PLEKHF1: variants seen among roughly 807,000 people sequenced by gnomAD.
PLEKHF1 encodes pleckstrin homology domain-containing family F member 1.
Under a neutral mutation model 4.1 loss-of-function variants are expected in PLEKHF1, and 1 was observed. The ratio of observed to expected loss-of-function variants is 0.24; its 90% CI spans 0.09 to 1.15. The LOEUF (loss-of-function observed/expected upper bound fraction) is 1.15, where lower values mean the gene tolerates loss of function less well. Ranked by LOEUF, PLEKHF1 falls within the 50% of genes most tolerant of loss-of-function variation. The probability of loss-of-function intolerance (pLI) is 0.52; values close to 1 mark genes in which losing one functional copy is unlikely to be tolerated. For missense variants in PLEKHF1, 429 were observed against 400.6 expected, an observed-to-expected ratio of 1.07 and a Z score of -0.60; for synonymous variants, 182 against 178.5, an observed-to-expected ratio of 1.02 and a Z score of -0.16.
Position 29,673,887 on chromosome 19 carries a change from G to T in PLEKHF1, c.48G>T (p.Ala16=). Residue 16 remains alanine, a synonymous_variant, in exon 2 of 2, where the codon GCG becomes GCT. Coordinates refer to ENST00000436066, the MANE Select transcript of PLEKHF1 (RefSeq NM_024310.5). ...ANTEINSQRI[A]AVESCFGASG... Reference sequence around the variant, plus strand: ...CGGAGATCAACAGCCAGCGCATCGCGGCAGTGGAGAGCTGCTTCGGGGCCT... The same window carrying T: ...CGGAGATCAACAGCCAGCGCATCGCTGCAGTGGAGAGCTGCTTCGGGGCCT... The T allele has an allele frequency of 6.2e-7, 1 of 1,611,206 alleles. No homozygotes were observed. The highest frequency in any genetic ancestry group is 8.5e-7 in the Non-Finnish European group (1 of 1,178,172).
chr19:29,673,820 G>A lies in PLEKHF1; in HGVS notation c.-16-4G>A. ...ACATACTCCTTGTCTGTCTCCTCCTGCAGCCGCCAGCTGGAGACGATGGTG... is the reference window on the plus strand; with the variant it reads ...ACATACTCCTTGTCTGTCTCCTCCTACAGCCGCCAGCTGGAGACGATGGTG... On this transcript the variant is annotated splice_polypyrimidine_tract_variant and splice_region_variant and intron_variant, in intron 1 of 1. Transcript: ENST00000436066. 5.1e-6 allele frequency: 8 copies of A among 1,576,774 alleles called. No individual in the cohort carries two copies. Among genetic ancestry groups the A allele is most frequent in the Non-Finnish European group, 6.9e-6 (8 of 1,159,146 alleles).
chr19:29,674,380 G>C lies in PLEKHF1; in HGVS notation c.541G>C (p.Val181Leu), dbSNP rs572876890. 2 of 1,535,788 alleles carry C rather than the reference G, an allele frequency of 1.3e-6. No homozygotes were observed. The highest frequency in any genetic ancestry group is 1.2e-5 in the South Asian group (1 of 84,710). ...CCACCACTGCCGCAAGTGCGGCTTC[G>C]TGGTCTGCGCTGAGTGCTCGCGCCA... ...RRHHCRKCGF[V>L]VCAECSRQRF... Residue 181 changes from valine to leucine, a missense_variant, in exon 2 of 2, where the codon GTG (valine) becomes CTG (leucine). By Grantham distance (32) the Val-to-Leu change is conservative (BLOSUM62 1). Coordinates refer to ENST00000436066, the MANE Select transcript of PLEKHF1 (RefSeq NM_024310.5).
chr19:29,670,738 C>T (rs1022323113), intron 1 of PLEKHF1, among the ~76,000 whole-genome samples: 2 of 151,644 alleles, frequency 1.3e-5, no homozygotes, highest in Non-Finnish European at 2.9e-5. Flanking sequence ...AGCACAGTGG[C>T]GCGATCTCGG....
intron 1 of PLEKHF1, among the ~76,000 whole-genome samples, chr19:29,673,438 G>A (rs1446877236): frequency 6.6e-6 from 1 of 151,710 alleles, no homozygotes; most frequent in Non-Finnish European, 1.5e-5. Flanking sequence ...TAGCTAGAGT[G>A]TAGTGGCATG....
rs1317967017 is a variant in PLEKHF1 at position 29,674,151 on chromosome 19, G to C, written c.312G>C (p.Thr104=). The change falls in exon 2 of 2, where the codon ACG becomes ACC. Residue 104 remains threonine (T), a synonymous_variant. Transcript: ENST00000436066. ...CCAAGAACCGCTGGATGATCAAGAC[G>C]GCCAAGAAGTCCTTTGTGGTGTCGG... is the stretch of plus-strand genomic sequence containing the variant. ...LQAKNRWMIK[T]AKKSFVVSAA... The C allele has an allele frequency of 6.2e-6, 10 of 1,613,600 alleles. No individual in the cohort carries two copies. The highest frequency in any genetic ancestry group is 8.5e-6 in the Non-Finnish European group (10 of 1,179,976).
Position 29,675,354 on chromosome 19 carries a change from C to T in PLEKHF1, c.*675C>T, listed in dbSNP as rs1048567428. 2 of 167,146 alleles carry T rather than the reference C, an allele frequency of 1.2e-5. No homozygotes were observed. The highest frequency in any genetic ancestry group is 2.9e-5 in the Non-Finnish European group (2 of 68,128). The allele number at this position is 167,146 out of a possible 1,614,324, so 10.4% of individuals were successfully genotyped here. A position where few individuals can be genotyped will look rare whatever the true frequency, so the allele number is the denominator to read the frequency against. On this transcript the variant is annotated 3_prime_UTR_variant, in exon 2 of 2. Coordinates refer to ENST00000436066, the MANE Select transcript of PLEKHF1 (RefSeq NM_024310.5). The stretch of plus-strand genomic sequence containing the variant: ...GCTGTCTCATGCCTTTTTGTCCTGT[C>T]CTCAGCTCTCCGTGTGGTCAGCGAA...
intron 1 of PLEKHF1, among the ~76,000 whole-genome samples, chr19:29,672,970 AG>A (rs570474079): frequency 3.3e-5 from 5 of 152,252 alleles, no homozygotes; most frequent in African/African-American, 1.2e-4. Context: ...GCACCAACAG[AG>A]GGGCCTGTGT....
At position 29,674,437 on chromosome 19, in the gene PLEKHF1, C is replaced by G. The variant is rs765872204; in HGVS notation, c.598C>G (p.Pro200Ala). The G allele has an allele frequency of 5.4e-5, 83 of 1,532,686 alleles. No individual in the cohort carries two copies. The highest frequency in any genetic ancestry group is 1.6e-4 in the Admixed American group (8 of 50,662). The allele number at this position is 1,532,686 out of a possible 1,614,324, so 94.9% of individuals were successfully genotyped here. A position where few individuals can be genotyped will look rare whatever the true frequency, so the allele number is the denominator to read the frequency against. ...RFLLPRLSPKPVRVCSLCYRE... is the reference protein window; with the variant it reads ...RFLLPRLSPKAVRVCSLCYRE... ...CCTGCTCCCGCGCCTGTCCCCCAAG[C>G]CCGTGCGCGTCTGCAGCCTCTGCTA... Residue 200 changes from proline to alanine, a missense_variant, in exon 2 of 2, where the codon CCC (proline) becomes GCC (alanine). Coordinates refer to ENST00000436066, the MANE Select transcript of PLEKHF1 (RefSeq NM_024310.5).
chr19:29,666,090 G>A (rs1971566487), intron 1 of PLEKHF1, among the ~76,000 whole-genome samples: 1 of 152,162 alleles, frequency 6.6e-6, no homozygotes, highest in South Asian at 2.1e-4. Flanking sequence ...CAGGCCCGCA[G>A]AGAGAGGCGG....
intron 1 of PLEKHF1, among the ~76,000 whole-genome samples, chr19:29,669,120 C>A (rs1971602009): frequency 1.3e-5 from 2 of 152,168 alleles, no homozygotes; most frequent in Non-Finnish European, 1.5e-5. Flanking sequence ...GCAAAGGGGT[C>A]CCATGTGGAG....
At chr19:29,670,343 G>A (rs1254735551) in intron 1 of PLEKHF1, among the ~76,000 whole-genome samples, 1 of 152,202 alleles carries the variant, frequency 6.6e-6, no homozygotes, top group Non-Finnish European at 1.5e-5. Context: ...CTATGAATTT[G>A]ATCAGTATGT....
intron 1 of PLEKHF1, among the ~76,000 whole-genome samples, chr19:29,670,940 C>T (rs1232841673): frequency 1.3e-5 from 2 of 152,316 alleles, no homozygotes; most frequent in Admixed American, 1.3e-4. Context: ...TCCCAAAGTG[C>T]TGGGATTACA....
rs56717095 is a variant in PLEKHF1, at chr19:29,671,104, C to CT, written c.-16-2707dup. Among the ~76,000 whole-genome samples, 863 of 144,766 alleles carry CT rather than the reference C, an allele frequency of 6.0e-3. 7 individuals are homozygous for CT. The highest frequency in any genetic ancestry group is 0.016 in the South Asian group (73 of 4,572). The allele number at this position is 144,766 out of a possible 152,430, so 95.0% of individuals were successfully genotyped here. On this transcript the variant is annotated intron_variant, in intron 1 of 1. Transcript: ENST00000436066. The surrounding 1 kb of genome is among the most constrained non-coding windows in gnomAD (Gnocchi z 4.0). ...TTTTTTGTTTTGTTTTTTTCCCCTC[C>CT]TTTTTTTTTTTTTGAGATGGAATCT...
At chr19:29,666,148 G>T (rs1203323919) in intron 1 of PLEKHF1, among the ~76,000 whole-genome samples, 1 of 151,858 alleles carries the variant, frequency 6.6e-6, no homozygotes, top group African/African-American at 2.4e-5. Context: ...GGCGGGCCGT[G>T]TAGGGCAGAG....
chr19:29,667,341 A>C (rs1324592235), intron 1 of PLEKHF1, among the ~76,000 whole-genome samples: 4 of 152,238 alleles, frequency 2.6e-5, no homozygotes, highest in Non-Finnish European at 2.9e-5. Context: ...AGAAGTGTGC[A>C]TTCCTGAAGG....
chr19:29,665,611 C>A (rs1971559458), intron 1 of PLEKHF1, 106 bp downstream of exon 1: 4 of 1,189,534 alleles, frequency 3.4e-6, no homozygotes, highest in Middle Eastern at 2.3e-4. Context: ...TCCCGCCGCG[C>A]GGTCTTGGCG....
At chr19:29,669,062 C>T (rs1971601216) in intron 1 of PLEKHF1, among the ~76,000 whole-genome samples, 1 of 152,164 alleles carries the variant, frequency 6.6e-6, no homozygotes, top group South Asian at 2.1e-4. Context: ...TGGACACTAG[C>T]CCTAAGAGCC....
chr19:29,673,785 C>T (rs754777328), intron 1 of PLEKHF1, 39 bp from the exon 2 acceptor site: 1 of 1,555,250 alleles, frequency 6.4e-7, no homozygotes, highest in East Asian at 2.3e-5. Context: ...ACCCCCATGC[C>T]TGAGCCTGGA....
rs1971695273 is a variant in PLEKHF1 at position 29,675,288 on chromosome 19, G to C, written c.*609G>C. 4 of 167,950 alleles carry C rather than the reference G, an allele frequency of 2.4e-5. No individual in the cohort carries two copies. In the Admixed American group the frequency reaches 2.6e-4, roughly 11 times the overall value. 10.4% of individuals were successfully genotyped at this position (167,950 alleles called of 1,614,324 possible). ...AGCTCCCCGAGGCCCAGGGCAGCCG[G>C]GTGAGGACTCTGTCCTGTGTCACCT... On this transcript the variant is annotated 3_prime_UTR_variant, in exon 2 of 2. Coordinates refer to ENST00000436066, the MANE Select transcript of PLEKHF1 (RefSeq NM_024310.5).
Sources: gnomAD v4.1 joint callset for allele counts (sites outside exome capture counted in the v4.1 genomes callset) on GRCh38, gnomAD v4.1.1 for gene constraint, Gnocchi (gnomAD v3.1) non-coding constraint, MANE v1.5 for transcripts, NCBI Gene and HGNC (gene_info 2026-07-23, HGNC 2026-07-21) for gene names.